Variants in PSMD7 observed in about 807,000 individuals in gnomAD.
PSMD7 encodes the protein 26S proteasome non-ATPase regulatory subunit 7.
Under a neutral mutation model 36.4 loss-of-function variants are expected in PSMD7, and 13 were observed. The ratio of observed to expected loss-of-function variants is 0.36; its 90% CI spans 0.23 to 0.57. The LOEUF is 0.57. PSMD7 is among the 20% of genes least tolerant of loss of function. The pLI is 0.83. For synonymous variants in PSMD7, 186 were observed against 151.0 expected (o/e 1.23, Z -1.70); for missense variants, 298 against 393.6 (o/e 0.76, Z 2.06).
chr16:74,301,948 G>C (rs1034476092), intron 4 of PSMD7, among the ~76,000 whole-genome samples: 8 of 152,178 alleles, frequency 5.3e-5, no homozygotes, highest in Non-Finnish European at 1.2e-4. Flanking sequence ...GGTAAGGGGT[G>C]GGACTGGGAT....
intron 3 of PSMD7, 54 bp downstream of exon 3, chr16:74,301,198 G>A (rs1223067817): frequency 2.4e-6 from 3 of 1,240,262 alleles, no homozygotes; most frequent in African/African-American, 1.5e-5. Flanking sequence ...GTGTGTATGG[G>A]GGTCTTCTGT....
At chr16:74,298,790 C>T (rs1460891845) in intron 1 of PSMD7, among the ~76,000 whole-genome samples, 1 of 152,138 alleles carries the variant, frequency 6.6e-6, no homozygotes, top group African/African-American at 2.4e-5. Flanking sequence ...GAGAAGATCA[C>T]TTGAATCTGA....
intron 2 of PSMD7, 198 bp downstream of exon 2, chr16:74,300,404 C>T: frequency 1.7e-6 from 1 of 590,318 alleles, no homozygotes; most frequent in Non-Finnish European, 3.0e-6. Flanking sequence ...GTGGTCTCCA[C>T]TGCACCTGCT....
intron 3 of PSMD7, 55 bp downstream of exon 3, chr16:74,301,199 G>A: frequency 8.1e-7 from 1 of 1,230,812 alleles, no homozygotes; most frequent in Non-Finnish European, 1.2e-6. Flanking sequence ...TGTGTATGGG[G>A]GTCTTCTGTT....
intron 1 of PSMD7, among the ~76,000 whole-genome samples, chr16:74,299,112 A>G (rs7205537): frequency 0.019 from 2,847 of 151,868 alleles, 83 homozygotes; most frequent in African/African-American, 0.065. Context: ...TTTGCCAACT[A>G]TATGCTAAGA....
chr16:74,301,171 C>G, intron 3 of PSMD7, 27 bp downstream of exon 3: 1 of 1,514,314 alleles, frequency 6.6e-7, no homozygotes, highest in Non-Finnish European at 9.1e-7. Flanking sequence ...TAAGGTGTTA[C>G]AGCATAGAAT....
At chr16:74,304,254 C>A in intron 5 of PSMD7, 49 bp from the exon 6 acceptor site, 1 of 1,531,182 alleles carries the variant, frequency 6.5e-7, no homozygotes, top group South Asian at 1.1e-5. Context: ...GAACACATGT[C>A]AGTTCGTTTG....
At chr16:74,297,083 C>A in intron 1 of PSMD7, 95 bp downstream of exon 1, 1 of 1,330,586 alleles carries the variant, frequency 7.5e-7, no homozygotes, top group Non-Finnish European at 1.1e-6. Flanking sequence ...GAGCTGGGGA[C>A]GCAGATAGGG....
chr16:74,305,369 A>G lies in PSMD7; in HGVS notation c.611A>G (p.Lys204Arg), dbSNP rs143079395. The part of the protein sequence containing the change: ...QVHGLKGLNS[K>R]LLDIRSYLEK... ...CATGGTTTGAAGGGACTGAACTCCA[A>G]GCTTCTGGATATCAGGAGCTACCTG... Residue 204 changes from lysine (K) to arginine (R), a missense_variant, in exon 7 of 7, where the codon AAG (lysine) becomes AGG (arginine). Physicochemically the swap from Lys to Arg is conservative, Grantham distance 26. Transcript: ENST00000219313. The G allele has an allele frequency of 3.0e-5, 49 of 1,614,076 alleles. No individual in the cohort carries two copies. In the African/African-American group the frequency reaches 6.0e-4, roughly 20 times the overall value.
chr16:74,303,908 G>C (rs936529283), intron 5 of PSMD7: 4 of 157,518 alleles, frequency 2.5e-5, no homozygotes, highest in African/African-American at 9.6e-5. Context: ...TTTTAGTAGA[G>C]AGGGGTTTTC....
At chr16:74,304,495 C>G (rs560066976) in intron 6 of PSMD7, 101 bp downstream of exon 6, 1 of 998,794 alleles carries the variant, frequency 1.0e-6, no homozygotes, top group Admixed American at 2.3e-5. Flanking sequence ...GGGTCTCGTC[C>G]TGGCCGTCCA....
At chr16:74,300,858 T>A (rs2034149971) in intron 2 of PSMD7, among the ~76,000 whole-genome samples, 194 bp from the exon 3 acceptor site, 1 of 152,198 alleles carries the variant, frequency 6.6e-6, no homozygotes, top group Admixed American at 6.5e-5. Flanking sequence ...TCCAGTTTTT[T>A]AAGAGAAGCT....
chr16:74,297,168 C>A (rs2034119864), intron 1 of PSMD7, among the ~76,000 whole-genome samples, 180 bp downstream of exon 1: 1 of 152,262 alleles, frequency 6.6e-6, no homozygotes, highest in South Asian at 2.1e-4. Context: ...CAGCCTCCCG[C>A]CCCTGCCCCA....
At chr16:74,299,714 A>G (rs929504908) in intron 1 of PSMD7, 1 of 322,552 alleles carries the variant, frequency 3.1e-6, no homozygotes, top group Non-Finnish European at 6.2e-6. Context: ...TCTTTATTCC[A>G]AAAAAGATTT....
chr16:74,304,172 G>C (rs1348243202), intron 5 of PSMD7, 131 bp from the exon 6 acceptor site: 1 of 737,542 alleles, frequency 1.4e-6, no homozygotes, highest in Non-Finnish European at 2.4e-6. Flanking sequence ...ACCCACCCTT[G>C]CCATAGAAAA....
Position 74,301,800 on chromosome 16 carries a change from T to C in PSMD7, c.357+148T>C, listed in dbSNP as rs1799924858. 4 of 639,710 alleles carry C rather than the reference T, an allele frequency of 6.3e-6. No individual in the cohort carries two copies. The Admixed American group carries it at 1.2e-4, about 18-fold the overall frequency. The allele number at this position is 639,710 out of a possible 1,614,324, so 39.6% of individuals were successfully genotyped here. A position where few individuals can be genotyped will look rare whatever the true frequency, so the allele number is the denominator to read the frequency against. On this transcript the variant is annotated intron_variant, in intron 4 of 6. Transcript: ENST00000219313. ...TTGATTTGTAGTGCTCTGTGAAGTATACTGTGACCTAATATATTTGATAAA... is the reference window on the plus strand; with the variant it reads ...TTGATTTGTAGTGCTCTGTGAAGTACACTGTGACCTAATATATTTGATAAA...
intron 2 of PSMD7, among the ~76,000 whole-genome samples, chr16:74,300,691 G>C (rs952738984): frequency 3.9e-5 from 6 of 152,214 alleles, no homozygotes; most frequent in African/African-American, 1.2e-4. Flanking sequence ...CTGGAGTAGA[G>C]ATCACTAACT....
intron 1 of PSMD7, chr16:74,299,596 G>A (rs977632649): frequency 2.6e-5 from 12 of 453,904 alleles, no homozygotes; most frequent in African/African-American, 1.6e-4. Flanking sequence ...TGTTGCCCAC[G>A]CTGCCCATGC....
Position 74,301,591 on chromosome 16 carries a change from C to T in PSMD7, c.296C>T (p.Pro99Leu). 1 of 1,613,806 alleles carries T rather than the reference C, an allele frequency of 6.2e-7. No individual in the cohort carries two copies. The highest frequency in any genetic ancestry group is 8.5e-7 in the Non-Finnish European group (1 of 1,179,766). Residue 99 changes from proline (P) to leucine (L), a missense_variant, in exon 4 of 7, where the codon CCT (proline) becomes CTT (leucine). Physicochemically the swap from Pro to Leu is moderately conservative, Grantham distance 98. Coordinates refer to ENST00000219313, the MANE Select transcript of PSMD7 (RefSeq NM_002811.5). ...ERIVGWYHTGPKLHKNDIAIN... is the reference protein window; with the variant it reads ...ERIVGWYHTGLKLHKNDIAIN... The stretch of plus-strand genomic sequence containing the variant: ...ATAGTTGGCTGGTACCACACAGGCC[C>T]TAAACTACACAAGAATGACATTGCC...
Sources: allele counts gnomAD v4.1 joint callset (sites outside exome capture counted in the v4.1 genomes callset), GRCh38; gene constraint gnomAD v4.1.1; transcripts MANE v1.5; gene names NCBI Gene and HGNC (gene_info 2026-07-23, HGNC 2026-07-21).